Variants in SLC44A1 observed in about 807,000 individuals in gnomAD.
SLC44A1 encodes choline transporter-like protein 1.
SLC44A1 carries 26 observed loss-of-function variants against 79.3 expected under a neutral mutation model. The observed-to-expected ratio is 0.33, with a 90% CI of 0.24 to 0.46. The LOEUF is 0.46. Ranked by LOEUF, SLC44A1 falls within the 20% of genes least tolerant of loss-of-function variation. The pLI, the probability that SLC44A1 is intolerant of heterozygous loss-of-function variation, is 1.00. For missense variants in SLC44A1, 688 were observed against 798.1 expected, an observed-to-expected ratio of 0.86 and a Z score of 1.66; for synonymous variants, 263 against 286.2, an observed-to-expected ratio of 0.92 and a Z score of 0.82.
rs545146621 is a variant in SLC44A1, at chr9:105,390,110, G to T, written c.*1054G>T. The T allele has an allele frequency of 4.0e-6, 5 of 1,251,530 alleles. No homozygotes were observed. Among genetic ancestry groups the T allele is most frequent in the South Asian group, 3.7e-5 (1 of 27,098 alleles). 77.5% of individuals were successfully genotyped at this position (1,251,530 alleles called of 1,614,324 possible). A position where few individuals can be genotyped will look rare whatever the true frequency, so the allele number is the denominator to read the frequency against. ...ATTCATTGAGTATCCAGAGTTCTAC[G>T]ATGTTTAACTGAAGAATTGGCTAAT... On this transcript the variant is annotated 3_prime_UTR_variant, in exon 16 of 16. Coordinates refer to ENST00000374720, the MANE Select transcript of SLC44A1 (RefSeq NM_080546.5).
intron 15 of SLC44A1, among the ~76,000 whole-genome samples, chr9:105,408,137 G>A (rs1005129040): frequency 6.6e-6 from 1 of 152,198 alleles, no homozygotes; most frequent in Non-Finnish European, 1.5e-5. Flanking sequence ...CTGGGCGACA[G>A]ACTGAGATTC....
intron 14 of SLC44A1, 77 bp from the exon 15 acceptor site, chr9:105,385,345 A>C (rs1828597417): frequency 9.6e-7 from 1 of 1,037,276 alleles, no homozygotes; most frequent in South Asian, 1.4e-5. Context: ...TCAAAAATGT[A>C]GATGTTCTTT....
At chr9:105,386,442 C>A (rs1252517133) in intron 15 of SLC44A1, 1 of 983,960 alleles carries the variant, frequency 1.0e-6, no homozygotes, top group Non-Finnish European at 1.2e-6. Flanking sequence ...AAGGACTTTC[C>A]TTTCTGTCTT....
At chr9:105,358,496 A>C in intron 7 of SLC44A1, 63 bp downstream of exon 7, 1 of 852,224 alleles carries the variant, frequency 1.2e-6, no homozygotes. Context: ...GAAAATAGAA[A>C]TATAAAGAAG....
At chr9:105,385,121 T>C (rs528194560) in intron 14 of SLC44A1, among the ~76,000 whole-genome samples, 77 of 152,216 alleles carry the variant, frequency 5.1e-4, no homozygotes, top group Admixed American at 2.7e-3. Flanking sequence ...TATGAGAAAA[T>C]AGCCTCTTAA....
At chr9:105,430,312 T>C (rs1829376512) in intron 15 of SLC44A1, among the ~76,000 whole-genome samples, 1 of 152,260 alleles carries the variant, frequency 6.6e-6, no homozygotes, top group Non-Finnish European at 1.5e-5. Context: ...CTGACCATTT[T>C]AAAGTGTTTA....
intron 12 of SLC44A1, among the ~76,000 whole-genome samples, chr9:105,372,352 G>A (rs928203817): frequency 1.3e-5 from 2 of 151,952 alleles, no homozygotes; most frequent in South Asian, 2.1e-4. Flanking sequence ...GCAGTGGCAC[G>A]ATCTCAGCTC....
At chr9:105,388,707 A>G (rs1417786232) in intron 15 of SLC44A1, among the ~76,000 whole-genome samples, 1 of 152,188 alleles carries the variant, frequency 6.6e-6, no homozygotes, top group Non-Finnish European at 1.5e-5. Flanking sequence ...ACCAAAAGTG[A>G]TGAAGAGGTT....
chr9:105,283,021 C>T (rs569826238), intron 1 of SLC44A1, among the ~76,000 whole-genome samples: 9 of 152,264 alleles, frequency 5.9e-5, no homozygotes, highest in Non-Finnish European at 8.8e-5. Flanking sequence ...TTCAGTGGCC[C>T]GTGCTGCAGG....
chr9:105,287,430 T>C (rs572575640), intron 1 of SLC44A1, among the ~76,000 whole-genome samples: 1 of 152,340 alleles, frequency 6.6e-6, no homozygotes, highest in East Asian at 1.9e-4. Context: ...GTATTTCCCT[T>C]ACAACTAGTT....
chr9:105,256,562 ACT>A (rs1588705279), intron 1 of SLC44A1, among the ~76,000 whole-genome samples: 1 of 143,678 alleles, frequency 7.0e-6, no homozygotes, highest in Non-Finnish European at 1.5e-5. Flanking sequence ...ATGGCTGGAA[ACT>A]CTTTTTTTTT....
intron 5 of SLC44A1, among the ~76,000 whole-genome samples, chr9:105,352,865 A>G (rs1827497575): frequency 6.6e-6 from 1 of 152,194 alleles, no homozygotes; most frequent in Non-Finnish European, 1.5e-5. Context: ...TGATAAGAAA[A>G]CAATTGAAGT....
chr9:105,249,525 A>ATT (rs11361823), intron 1 of SLC44A1, among the ~76,000 whole-genome samples: 5 of 142,282 alleles, frequency 3.5e-5, no homozygotes, highest in Non-Finnish European at 3.1e-5. Flanking sequence ...AGAAATGGTA[A>ATT]TTTTTTTTTT....
Position 105,358,431 on chromosome 9 carries a change from T to C in SLC44A1, c.758T>C (p.Leu253Pro). 1 of 1,544,538 alleles carries C rather than the reference T, an allele frequency of 6.5e-7. No homozygotes were observed. Among genetic ancestry groups the C allele is most frequent in the East Asian group, 2.2e-5 (1 of 44,470 alleles). The change falls in exon 7 of 16, where the codon CTT (leucine) becomes CCT (proline). Residue 253 changes from leucine to proline, a missense_variant and splice_region_variant. Physicochemically the swap from Leu to Pro is moderately conservative, Grantham distance 98. Transcript: ENST00000374720. ...ACGATTCTGGTCATACTCGGTTCAC[T>C]TGGTAAGCTATTTATTTCTTTGTTT... The part of the protein sequence containing the change: ...ILTILVILGS[L>P]GGTGVLWWLY...
chr9:105,278,189 G>A (rs1057358993), intron 1 of SLC44A1, among the ~76,000 whole-genome samples: 1 of 151,906 alleles, frequency 6.6e-6, no homozygotes, highest in Non-Finnish European at 1.5e-5. Context: ...AGCCTCCTGA[G>A]TAGGTGGGAT....
In SLC44A1 at chr9:105,397,093, C is replaced by T; in HGVS notation, c.*8037C>T. Reference sequence around the variant, plus strand: ...CTGGAGTTGGAGTTATCAAATCTTGCTGGGAAATTAACTTCCAAGAGCTCT... The same window carrying T: ...CTGGAGTTGGAGTTATCAAATCTTGTTGGGAAATTAACTTCCAAGAGCTCT... On this transcript the variant is annotated 3_prime_UTR_variant, in exon 16 of 16. Coordinates refer to ENST00000374720, the MANE Select transcript of SLC44A1 (RefSeq NM_080546.5). 4 of 985,378 alleles carry T rather than the reference C, an allele frequency of 4.1e-6. No individual in the cohort carries two copies. The highest frequency in any genetic ancestry group is 3.6e-6 in the Non-Finnish European group (3 of 829,926). The allele number at this position is 985,378 out of a possible 1,614,324, so 61.0% of individuals were successfully genotyped here.
intron 2 of SLC44A1, chr9:105,299,704 TG>T: frequency 1.3e-6 from 1 of 766,116 alleles, no homozygotes. Flanking sequence ...GATGGGAGGC[TG>T]GTTGCTCACT....
At chr9:105,296,378 G>T (rs1457880907) in intron 1 of SLC44A1, among the ~76,000 whole-genome samples, 1 of 152,134 alleles carries the variant, frequency 6.6e-6, no homozygotes, top group Non-Finnish European at 1.5e-5. Flanking sequence ...AAGTTGAATC[G>T]ACTTGTTGAG....
intron 1 of SLC44A1, among the ~76,000 whole-genome samples, chr9:105,290,984 T>C (rs1361443493): frequency 6.6e-6 from 1 of 152,204 alleles, no homozygotes; most frequent in Non-Finnish European, 1.5e-5. Flanking sequence ...AGATTACTTA[T>C]GGTAACCGTA....
Sources: gnomAD v4.1 joint callset for allele counts (sites outside exome capture counted in the v4.1 genomes callset) on GRCh38, gnomAD v4.1.1 for gene constraint, MANE v1.5 for transcripts, NCBI Gene and HGNC (gene_info 2026-07-23, HGNC 2026-07-21) for gene names.